Variants in PPP1R12B observed in about 807,000 individuals in gnomAD.
The protein encoded by PPP1R12B is myosin phosphatase target subunit 2.
A neutral mutation model predicts 126.1 loss-of-function variants in PPP1R12B; 76 were observed. The observed-to-expected ratio is 0.60, with a 90% CI of 0.50 to 0.73. The LOEUF is 0.73. Ranked by LOEUF, PPP1R12B falls within the 30% of genes least tolerant of loss-of-function variation. The pLI is 0.00. For missense variants in PPP1R12B, 1,052 were observed against 1,205.1 expected, an observed-to-expected ratio of 0.87 and a Z score of 1.88; for synonymous variants, 356 against 434.7, an observed-to-expected ratio of 0.82 and a Z score of 2.25.
At chr1:202,394,197 GCAT>G (rs1664566672) in intron 1 of PPP1R12B, among the ~76,000 whole-genome samples, 1 of 151,848 alleles carries the variant, frequency 6.6e-6, no homozygotes, top group Non-Finnish European at 1.5e-5. Flanking sequence ...AATTAGCCGG[GCAT>G]GGTGGCAGTG....
intron 23 of PPP1R12B, 27 bp from the exon 24 acceptor site, chr1:202,580,447 C>G: frequency 1.3e-6 from 2 of 1,592,968 alleles, no homozygotes; most frequent in Admixed American, 1.7e-5. Context: ...CAGGCTCTAA[C>G]TCACCTTTCC....
Position 202,488,549 on chromosome 1 carries a change from G to T in PPP1R12B, c.1867G>T (p.Val623Leu). ...TCTCTGCAGGTCCTATCTGACTCCT[G>T]TACGGGATGAGGAAGCAGAGTCTTT... ...REKRRSYLTP[V>L]RDEEAESLRK... The change falls in exon 14 of 24, where the codon GTA becomes TTA. Residue 623 changes from valine (V) to leucine (L), a missense_variant. By Grantham distance (32) the Val-to-Leu change is conservative (BLOSUM62 1). Transcript: ENST00000608999. The T allele has an allele frequency of 6.2e-7, 1 of 1,611,288 alleles. No individual in the cohort carries two copies.
At chr1:202,558,353 TC>T (rs922395456) in intron 18 of PPP1R12B, among the ~76,000 whole-genome samples, 24 of 152,128 alleles carry the variant, frequency 1.6e-4, no homozygotes, top group African/African-American at 5.8e-4. Flanking sequence ...TTCTCCCCTC[TC>T]CCTTACTCTT....
At chr1:202,534,396 G>A (rs1305122035) in intron 18 of PPP1R12B, among the ~76,000 whole-genome samples, 1 of 152,176 alleles carries the variant, frequency 6.6e-6, no homozygotes, top group Non-Finnish European at 1.5e-5. Flanking sequence ...GCTAAATGCT[G>A]CTGGAGTGTT....
At chr1:202,475,378 T>C (rs1360993573) in intron 13 of PPP1R12B, among the ~76,000 whole-genome samples, 1 of 152,206 alleles carries the variant, frequency 6.6e-6, no homozygotes, top group Admixed American at 6.5e-5. Context: ...TTCCCAAGAA[T>C]GGAGTGTTGA....
chr1:202,407,924 A>C (rs1327011912), intron 1 of PPP1R12B, among the ~76,000 whole-genome samples: 2 of 152,154 alleles, frequency 1.3e-5, no homozygotes, highest in Admixed American at 1.3e-4. Flanking sequence ...AATATTAATA[A>C]AAATAATACA....
Position 202,394,634 on chromosome 1 carries a change from A to T in PPP1R12B, c.292-22153A>T, listed in dbSNP as rs1664663846. The stretch of plus-strand genomic sequence containing the variant: ...CCGGGCATGGTGGCGCATGCCTGTA[A>T]TCCTAGCTGCTCAGGAGGCTGAGGC... On this transcript the variant is annotated intron_variant, in intron 1 of 23. Transcript: ENST00000608999. Among the ~76,000 whole-genome samples the T allele has an allele frequency of 3.3e-5, 5 of 151,980 alleles. 1 individual carries two copies. In the South Asian group the frequency reaches 1.0e-3, roughly 31 times the overall value.
intron 1 of PPP1R12B, among the ~76,000 whole-genome samples, chr1:202,362,320 C>T (rs1658363783): frequency 6.6e-6 from 1 of 152,098 alleles, no homozygotes; most frequent in South Asian, 2.1e-4. Context: ...AAAAGAATAA[C>T]TCACCTCATT....
chr1:202,422,781 A>G (rs1373998541), intron 3 of PPP1R12B, 43 bp downstream of exon 3: 28 of 1,610,730 alleles, frequency 1.7e-5, no homozygotes, highest in Non-Finnish European at 2.3e-5. Context: ...ATTCTCAAAC[A>G]CTGCCATTTA....
chr1:202,533,610 C>T (rs1684235161), intron 18 of PPP1R12B, among the ~76,000 whole-genome samples: 2 of 152,134 alleles, frequency 1.3e-5, no homozygotes, highest in South Asian at 4.1e-4. Flanking sequence ...TGAGCCATCA[C>T]GCCTGGCTGA....
intron 18 of PPP1R12B, among the ~76,000 whole-genome samples, chr1:202,526,696 C>T (rs1208292323): frequency 2.0e-5 from 3 of 151,922 alleles, no homozygotes; most frequent in African/African-American, 7.3e-5. Context: ...CAGGATCACC[C>T]TAGTAGAAAG....
rs1404046467 is a variant in PPP1R12B, at chr1:202,586,872, A to ATAAC, written c.*6314_*6317dup. Reference sequence around the variant, plus strand: ...CCTAAAAAGGTTTAGCAATTTGGGGATAACTCTTGGATCTAGCTTATGTGC... The same window carrying ATAAC: ...CCTAAAAAGGTTTAGCAATTTGGGGATAACTAACTCTTGGATCTAGCTTATGTGC... On this transcript the variant is annotated 3_prime_UTR_variant, in exon 24 of 24. Coordinates refer to ENST00000608999, the MANE Select transcript of PPP1R12B (RefSeq NM_002481.4). 1 of 152,258 alleles carries ATAAC rather than the reference A, an allele frequency of 6.6e-6. No homozygotes were observed. Among genetic ancestry groups the ATAAC allele is most frequent in the African/African-American group, 2.4e-5 (1 of 41,474 alleles). The allele number at this position is 152,258 out of a possible 1,614,324, so 9.4% of individuals were successfully genotyped here. A position where few individuals can be genotyped will look rare whatever the true frequency, so the allele number is the denominator to read the frequency against.
At chr1:202,523,576 A>G (rs1339771265) in intron 18 of PPP1R12B, among the ~76,000 whole-genome samples, 10 of 152,234 alleles carry the variant, frequency 6.6e-5, no homozygotes, top group Non-Finnish European at 2.9e-5. Flanking sequence ...TGAGAGTAGC[A>G]GGAAAGAGAA....
At chr1:202,354,414 A>T (rs2148377560) in intron 1 of PPP1R12B, among the ~76,000 whole-genome samples, 1 of 152,298 alleles carries the variant, frequency 6.6e-6, no homozygotes, top group South Asian at 2.1e-4. Flanking sequence ...TTACAAAAAA[A>T]TAAAATTAGC....
At position 202,585,258 on chromosome 1, in the gene PPP1R12B, A is replaced by G. The variant is rs1689750373; in HGVS notation, c.*4698A>G. ...GCAATCCACCTGGCTGGGCCTCCCAAAGCGATAGGATTACAGGCGTAAGGG... is the reference window on the plus strand; with the variant it reads ...GCAATCCACCTGGCTGGGCCTCCCAGAGCGATAGGATTACAGGCGTAAGGG... On this transcript the variant is annotated 3_prime_UTR_variant, in exon 24 of 24. Coordinates refer to ENST00000608999, the MANE Select transcript of PPP1R12B (RefSeq NM_002481.4). The G allele has an allele frequency of 1.3e-5, 2 of 152,256 alleles. No individual in the cohort carries two copies. Among genetic ancestry groups the G allele is most frequent in the Admixed American group, 1.3e-4 (2 of 15,286 alleles). 9.4% of individuals were successfully genotyped at this position (152,256 alleles called of 1,614,324 possible). A position where few individuals can be genotyped will look rare whatever the true frequency, so the allele number is the denominator to read the frequency against.
intron 1 of PPP1R12B, among the ~76,000 whole-genome samples, chr1:202,393,354 AT>A (rs1664430319): frequency 6.6e-6 from 1 of 152,126 alleles, no homozygotes; most frequent in Non-Finnish European, 1.5e-5. Flanking sequence ...AACTTCTCAG[AT>A]TTCATTGTTA....
intron 1 of PPP1R12B, among the ~76,000 whole-genome samples, chr1:202,364,766 C>T (rs1193100127): frequency 3.3e-5 from 5 of 151,972 alleles, no homozygotes; most frequent in African/African-American, 9.7e-5. Flanking sequence ...TTAGTAGAGA[C>T]GGGGTTTCAC....
chr1:202,438,867 T>G, intron 10 of PPP1R12B: 1 of 1,268,530 alleles, frequency 7.9e-7, no homozygotes, highest in Non-Finnish European at 1.2e-6. Flanking sequence ...CATCTACTGC[T>G]ATAGCCCCCA....
chr1:202,430,664 T>C, intron 6 of PPP1R12B, 67 bp from the exon 7 acceptor site: 2 of 1,577,262 alleles, frequency 1.3e-6, no homozygotes, highest in East Asian at 2.3e-5. Context: ...ATTTTGGTTC[T>C]CAATACTGCT....
Sources: gnomAD v4.1 joint callset for allele counts (sites outside exome capture counted in the v4.1 genomes callset) on GRCh38, gnomAD v4.1.1 for gene constraint, MANE v1.5 for transcripts, NCBI Gene and HGNC (gene_info 2026-07-23, HGNC 2026-07-21) for gene names.